The following FOXN3 variants were observed in gnomAD, a reference collection of about 807,000 sequenced individuals.
FOXN3 encodes the protein forkhead box N3, also known as forkhead box protein N3.
Under a neutral mutation model 38.4 loss-of-function variants are expected in FOXN3, and 7 were observed. The ratio of observed to expected loss-of-function variants is 0.18; its 90% CI spans 0.10 to 0.34. FOXN3 has a LOEUF of 0.34. Among genes scored for constraint, FOXN3 ranks in the 10% least tolerant of loss-of-function variants. The pLI is 1.00. For missense variants in FOXN3, 456 were observed against 613.4 expected, an observed-to-expected ratio of 0.74 and a Z score of 2.71; for synonymous variants, 230 against 242.2, an observed-to-expected ratio of 0.95 and a Z score of 0.47.
chr14:89,382,325 C>T (rs951738229), intron 2 of FOXN3, among the ~76,000 whole-genome samples: 10 of 152,240 alleles, frequency 6.6e-5, no homozygotes, highest in African/African-American at 2.2e-4. Context: ...TCAAATCCCA[C>T]TCCCACACTC....
At position 89,415,604 on chromosome 14, in the gene FOXN3, C is replaced by CAAAAAAAAAAAAAAAAAAA. The variant is rs34026101; in HGVS notation, c.-15+1248_-15+1266dup. Among the ~76,000 whole-genome samples, 9 of 54,272 alleles carry CAAAAAAAAAAAAAAAAAAA rather than the reference C, an allele frequency of 1.7e-4. 1 individual carries two copies. Among genetic ancestry groups the CAAAAAAAAAAAAAAAAAAA allele is most frequent in the Non-Finnish European group, 2.7e-4 (7 of 25,556 alleles). The allele number at this position is 54,272 out of a possible 152,430, so 35.6% of individuals were successfully genotyped here. A position where few individuals can be genotyped will look rare whatever the true frequency, so the allele number is the denominator to read the frequency against. ...AAAAACAAAACAAAACAACAATAAC[C>CAAAAAAAAAAAAAAAAAAA]AAAAAAAAAAAAAAAAAAAAAAAAA... On this transcript the variant is annotated intron_variant, in intron 1 of 5. Coordinates refer to ENST00000557258, the MANE Select transcript of FOXN3 (RefSeq NM_005197.4).
chr14:89,448,657 G>T (rs1004776087), intron 1 of FOXN3, among the ~76,000 whole-genome samples: 6 of 152,080 alleles, frequency 3.9e-5, no homozygotes, highest in African/African-American at 1.4e-4. Flanking sequence ...AGAAATCCTG[G>T]GTGGGGTGCG....
chr14:89,284,607 A>G, intron 3 of FOXN3: 1 of 455,726 alleles, frequency 2.2e-6, no homozygotes, highest in Non-Finnish European at 4.4e-6. Context: ...CAGACTAACC[A>G]TATGTGAAAG....
intron 1 of FOXN3, among the ~76,000 whole-genome samples, chr14:89,467,869 C>CAA (rs1319790537): frequency 2.5e-5 from 3 of 117,826 alleles, no homozygotes; most frequent in Non-Finnish European, 4.8e-5. Flanking sequence ...AGGAGGGTCT[C>CAA]AAACTCCTGG....
chr14:89,377,051 A>AAAAAAAAC (rs1890502014), intron 2 of FOXN3, among the ~76,000 whole-genome samples: 1 of 135,820 alleles, frequency 7.4e-6, no homozygotes, highest in African/African-American at 2.7e-5. Flanking sequence ...AAAAAAAAAA[A>AAAAAAAAC]AAAGCTTGAG....
chr14:89,332,695 A>G (rs1411804556), intron 3 of FOXN3, among the ~76,000 whole-genome samples: 1 of 152,240 alleles, frequency 6.6e-6, no homozygotes. Flanking sequence ...AAAAGCAAAC[A>G]TAAGTGGGAC....
intron 3 of FOXN3, among the ~76,000 whole-genome samples, chr14:89,306,338 A>G (rs992536407): frequency 2.7e-5 from 4 of 149,468 alleles, no homozygotes; most frequent in Non-Finnish European, 5.9e-5. Flanking sequence ...ACGCATGCAC[A>G]CACACACACA....
At position 89,368,995 on chromosome 14, in the gene FOXN3, C is replaced by G. The variant is rs547948407; in HGVS notation, c.544-18187G>C. On this transcript the variant is annotated intron_variant, in intron 2 of 5. Coordinates refer to ENST00000557258, the MANE Select transcript of FOXN3 (RefSeq NM_005197.4). ...CACAGTGCGTTTCATCTGACAATGC[C>G]GAAGTGCCCTCTGGCCACCATGTCA... is the stretch of plus-strand genomic sequence containing the variant. Among the ~76,000 whole-genome samples the G allele has an allele frequency of 3.3e-5, 5 of 152,260 alleles. No individual in the cohort carries two copies. In the South Asian group the frequency reaches 1.0e-3, roughly 32 times the overall value.
chr14:89,580,317 A>C (rs993592788), intron 1 of FOXN3, among the ~76,000 whole-genome samples: 1 of 152,214 alleles, frequency 6.6e-6, no homozygotes, highest in Non-Finnish European at 1.5e-5. Flanking sequence ...GGTGTTCTGT[A>C]AACTCTCAGA....
At chr14:89,586,823 G>A (rs546967594) in intron 1 of FOXN3, among the ~76,000 whole-genome samples, 1 of 152,302 alleles carries the variant, frequency 6.6e-6, no homozygotes, top group East Asian at 1.9e-4. Flanking sequence ...ACCCAGATTT[G>A]ATTGTAAGCT....
At chr14:89,476,548 T>C (rs755281868) in intron 1 of FOXN3, among the ~76,000 whole-genome samples, 1 of 152,244 alleles carries the variant, frequency 6.6e-6, no homozygotes, top group African/African-American at 2.4e-5. Context: ...AATATCCATT[T>C]TGGGAGTTCA....
rs1555407820 is a variant in FOXN3 at position 89,161,596 on chromosome 14, T to TGC, written c.*816_*817dup. On this transcript the variant is annotated 3_prime_UTR_variant, in exon 6 of 6. Coordinates refer to ENST00000557258, the MANE Select transcript of FOXN3 (RefSeq NM_005197.4). ...GTGTGTGTGTGTGTGTGTGTGTGTG[T>TGC]GCGTGCGTGCACAGGGCCAATCTTC... 7.0e-3 allele frequency: 961 copies of TGC among 136,702 alleles called. 11 individuals are homozygous for TGC. The highest frequency in any genetic ancestry group is 8.8e-3 in the Non-Finnish European group (550 of 62,770). 8.5% of individuals were successfully genotyped at this position (136,702 alleles called of 1,614,324 possible). A position where few individuals can be genotyped will look rare whatever the true frequency, so the allele number is the denominator to read the frequency against.
chr14:89,363,163 G>A lies in FOXN3; in HGVS notation c.544-12355C>T, dbSNP rs538070378. Among the ~76,000 whole-genome samples, 15 of 152,240 alleles carry A rather than the reference G, an allele frequency of 9.9e-5. No individual in the cohort carries two copies. The South Asian group carries it at 1.7e-3, about 17-fold the overall frequency. ...CACATGTGCACCAGCTCCTCCTGGG[G>A]CCTCACATCCCTGCTCAGGAAGCCC... On this transcript the variant is annotated intron_variant, in intron 2 of 5. Coordinates refer to ENST00000557258, the MANE Select transcript of FOXN3 (RefSeq NM_005197.4).
chr14:89,339,357 A>G (rs951717878), intron 3 of FOXN3, among the ~76,000 whole-genome samples: 6 of 152,190 alleles, frequency 3.9e-5, no homozygotes, highest in Non-Finnish European at 8.8e-5. Context: ...CCAAGGTCAC[A>G]CAGCTAGTGA....
At chr14:89,419,593 CCATTCTGCAGCCCCATCTGAG>C (rs1891849124), upstream of FOXN3, 1 of 177,050 alleles carries the variant, frequency 5.6e-6, no homozygotes, top group Non-Finnish European at 1.2e-5. Flanking sequence ...CTTGATGGGA[CCATTCTGCAGCCCCATCTGAG>C]CATGGGCTGG....
chr14:89,339,468 G>A (rs1888553257), intron 3 of FOXN3, among the ~76,000 whole-genome samples: 1 of 152,174 alleles, frequency 6.6e-6, no homozygotes, highest in Admixed American at 6.5e-5. Flanking sequence ...CTGGGAGGAA[G>A]CATGGAGACC....
At chr14:89,181,290 TAAC>T (rs779751892) in intron 4 of FOXN3, among the ~76,000 whole-genome samples, 1 of 152,076 alleles carries the variant, frequency 6.6e-6, no homozygotes, top group Non-Finnish European at 1.5e-5. Flanking sequence ...AGTCAGAACC[TAAC>T]AACAACTCAA....
intron 4 of FOXN3, among the ~76,000 whole-genome samples, chr14:89,242,049 C>G (rs1303481915): frequency 1.3e-5 from 2 of 152,190 alleles, no homozygotes; most frequent in Admixed American, 1.3e-4. Context: ...GGCACTGGAA[C>G]TGAAAGACAG....
At chr14:89,352,273 T>C (rs1316952132) in intron 2 of FOXN3, among the ~76,000 whole-genome samples, 2 of 152,248 alleles carry the variant, frequency 1.3e-5, no homozygotes, top group African/African-American at 4.8e-5. Flanking sequence ...ACGTGTTTTT[T>C]CCTTTCACGC....
Sources: allele counts gnomAD v4.1 joint callset (sites outside exome capture counted in the v4.1 genomes callset), GRCh38; gene constraint gnomAD v4.1.1; transcripts MANE v1.5; gene names NCBI Gene and HGNC (gene_info 2026-07-23, HGNC 2026-07-21).